FBXW12: variants seen among roughly 807,000 people sequenced by gnomAD.
FBXW12 encodes the protein F-box/WD repeat-containing protein 12.
FBXW12 carries 43 observed loss-of-function variants against 55.3 expected under a neutral mutation model. That is an observed-to-expected ratio of 0.78 (90% CI 0.61 to 1.00). The LOEUF is 1.00. Among genes scored for constraint, FBXW12 ranks in the 50% least tolerant of loss-of-function variants. The pLI is 0.00. For missense variants in FBXW12, 524 were observed against 560.5 expected, an observed-to-expected ratio of 0.93 and a Z score of 0.66; for synonymous variants, 184 against 203.8, an observed-to-expected ratio of 0.90 and a Z score of 0.83.
At chr3:48,374,812 G>T (rs888660622) in intron 4 of FBXW12, among the ~76,000 whole-genome samples, 1 of 125,848 alleles carries the variant, frequency 7.9e-6, no homozygotes, top group Non-Finnish European at 1.6e-5. Flanking sequence ...TTTTGTCTCC[G>T]AGGCTGGAGT....
At chr3:48,392,438 A>G in intron 10 of FBXW12, among the ~76,000 whole-genome samples, 1 of 141,026 alleles carries the variant, frequency 7.1e-6, no homozygotes, top group Admixed American at 7.2e-5. Flanking sequence ...GTGACAGAGC[A>G]ACACTCAGTC....
intron 2 of FBXW12, 89 bp downstream of exon 2, chr3:48,372,946 C>A (rs563912925): frequency 8.1e-7 from 1 of 1,231,972 alleles, no homozygotes; most frequent in Non-Finnish European, 1.2e-6. Flanking sequence ...CAGAGGGTTA[C>A]ACTGAGGCTT....
In FBXW12 at chr3:48,378,424, A is replaced by T. The variant is rs749298066; in HGVS notation, c.513A>T (p.Lys171Asn). Residue 171 changes from lysine (K) to asparagine (N), a missense_variant, in exon 6 of 11, where the codon AAA becomes AAT. Transcript: ENST00000296438. ...AITMDRKKTIKVWNCQDRDAL... is the reference protein window; with the variant it reads ...AITMDRKKTINVWNCQDRDAL... ...CTATGGATCGGAAAAAAACTATCAA[A>T]GTGTGGAACTGTCAGGACAGGGACG... The T allele has an allele frequency of 3.1e-6, 5 of 1,614,008 alleles. No individual in the cohort carries two copies. In the South Asian group the frequency reaches 3.3e-5, roughly 11 times the overall value.
chr3:48,376,008 G>T (rs2036679834), intron 5 of FBXW12, among the ~76,000 whole-genome samples: 1 of 88,408 alleles, frequency 1.1e-5, no homozygotes, highest in Non-Finnish European at 2.0e-5. Context: ...TTTTGAGACA[G>T]TCTCACTGTG....
intron 6 of FBXW12, 88 bp downstream of exon 6, chr3:48,378,614 T>C (rs2036719780): frequency 9.5e-5 from 25 of 262,998 alleles, no homozygotes; most frequent in South Asian, 2.1e-4. Flanking sequence ...GTCCTATCCC[T>C]TTTTTTTTTT....
chr3:48,382,867 A>G (rs1455850538), intron 10 of FBXW12, among the ~76,000 whole-genome samples: 2 of 152,238 alleles, frequency 1.3e-5, no homozygotes, highest in African/African-American at 4.8e-5. Flanking sequence ...GCAACATCTA[A>G]GAAAATACAT....
rs1332166523 is a variant in FBXW12, at chr3:48,381,882, T to G, written c.1164+4T>G. The G allele has an allele frequency of 1.2e-6, 2 of 1,608,838 alleles. No homozygotes were observed. The highest frequency in any genetic ancestry group is 1.3e-5 in the African/African-American group (1 of 74,832). ...AGCCATCAACAACTTCTGGGTGGTATGTATGATTCTCCTCCACTGCTTTTT... is the reference window on the plus strand; with the variant it reads ...AGCCATCAACAACTTCTGGGTGGTAGGTATGATTCTCCTCCACTGCTTTTT... On this transcript the variant is annotated splice_donor_region_variant and intron_variant, in intron 9 of 10. Coordinates refer to ENST00000296438, the MANE Select transcript of FBXW12 (RefSeq NM_207102.2).
At chr3:48,374,404 T>G (rs1019906239) in intron 4 of FBXW12, among the ~76,000 whole-genome samples, 2 of 151,222 alleles carry the variant, frequency 1.3e-5, no homozygotes, top group South Asian at 4.3e-4. Flanking sequence ...CTCGGCTCAC[T>G]GCAGCCTCTG....
intron 4 of FBXW12, 27 bp from the exon 5 acceptor site, chr3:48,375,327 G>A (rs768590860): frequency 1.5e-5 from 20 of 1,337,310 alleles, no homozygotes; most frequent in South Asian, 1.2e-4. Context: ...ACTATCTGGT[G>A]GCCAAGTCTT....
At chr3:48,392,681 T>C (rs2106659823) in intron 10 of FBXW12, among the ~76,000 whole-genome samples, 1 of 152,322 alleles carries the variant, frequency 6.6e-6, no homozygotes, top group South Asian at 2.1e-4. Flanking sequence ...AATTGGTATA[T>C]TAACTTCTTT....
At chr3:48,374,851 C>T (rs1224136225) in intron 4 of FBXW12, among the ~76,000 whole-genome samples, 4 of 146,752 alleles carry the variant, frequency 2.7e-5, no homozygotes, top group Non-Finnish European at 5.9e-5. Flanking sequence ...CTTACTGCAA[C>T]CTCCGCCTCC....
Position 48,373,608 on chromosome 3 carries a change from C to T in FBXW12, c.189C>T (p.His63=), listed in dbSNP as rs374518243. 3.7e-6 allele frequency: 6 copies of T among 1,614,004 alleles called. No individual in the cohort carries two copies. The highest frequency in any genetic ancestry group is 1.3e-5 in the African/African-American group (1 of 74,896). Residue 63 remains histidine (H), a synonymous_variant, in exon 4 of 11, where the codon CAC becomes CAT. Coordinates refer to ENST00000296438, the MANE Select transcript of FBXW12 (RefSeq NM_207102.2). ...SNFTNQHLGT[H]TWKQFFLHQR... The stretch of plus-strand genomic sequence containing the variant: ...TCACCAATCAACACCTGGGCACACA[C>T]ACATGGAAGCAATTTTTCCTGCATC...
At chr3:48,374,329 A>ATTTTT (rs35433340) in intron 4 of FBXW12, among the ~76,000 whole-genome samples, 15 of 137,906 alleles carry the variant, frequency 1.1e-4, no homozygotes, top group African/African-American at 4.1e-4. Flanking sequence ...CAACCAGTTG[A>ATTTTT]TTTTTTTTTT....
chr3:48,377,842 A>T lies in FBXW12; in HGVS notation c.406-475A>T, dbSNP rs1212429606. On this transcript the variant is annotated intron_variant, in intron 5 of 10. Coordinates refer to ENST00000296438, the MANE Select transcript of FBXW12 (RefSeq NM_207102.2). ...ATATGATATACTTTACAATTTTTTTAAAGGCTAAAGAATCATCTAGAAAGA... is the reference window on the plus strand; with the variant it reads ...ATATGATATACTTTACAATTTTTTTTAAGGCTAAAGAATCATCTAGAAAGA... Among the ~76,000 whole-genome samples the T allele has an allele frequency of 3.3e-5, 5 of 152,196 alleles. No homozygotes were observed. In the East Asian group the frequency reaches 9.6e-4, roughly 29 times the overall value.
intron 10 of FBXW12, among the ~76,000 whole-genome samples, chr3:48,393,903 C>T (rs544585072): frequency 1.6e-4 from 24 of 151,816 alleles, no homozygotes; most frequent in Non-Finnish European, 2.5e-4. Context: ...CTCAGCCTCC[C>T]GAGTAGCTGG....
At chr3:48,379,752 T>C in intron 7 of FBXW12, 194 bp downstream of exon 7, 1 of 553,234 alleles carries the variant, frequency 1.8e-6, no homozygotes, top group Non-Finnish European at 3.2e-6. Context: ...CTGTGGCAAA[T>C]GTTTAACAAA....
intron 10 of FBXW12, among the ~76,000 whole-genome samples, chr3:48,392,998 T>C (rs1183049872): frequency 3.4e-5 from 1 of 29,648 alleles, no homozygotes; most frequent in Non-Finnish European, 7.1e-5. Flanking sequence ...TTTTTTTTTT[T>C]TTTTTTTTTT....
At chr3:48,385,282 C>T (rs1248754163) in intron 10 of FBXW12, among the ~76,000 whole-genome samples, 1 of 152,020 alleles carries the variant, frequency 6.6e-6, no homozygotes, top group African/African-American at 2.4e-5. Flanking sequence ...CCAGATTCAT[C>T]CATGCTGTTG....
intron 10 of FBXW12, among the ~76,000 whole-genome samples, chr3:48,385,150 C>T (rs1007404835): frequency 2.6e-5 from 4 of 152,180 alleles, no homozygotes; most frequent in African/African-American, 9.7e-5. Context: ...TGTTAACCAC[C>T]ATTCTGCTCT....
Sources: gnomAD v4.1 joint callset for allele counts (sites outside exome capture counted in the v4.1 genomes callset) on GRCh38, gnomAD v4.1.1 for gene constraint, MANE v1.5 for transcripts, NCBI Gene and HGNC (gene_info 2026-07-23, HGNC 2026-07-21) for gene names.